The following CSMD1 variants were observed in gnomAD, a reference collection of about 807,000 sequenced individuals.
CSMD1 encodes the protein CUB and sushi domain-containing protein 1.
Under a neutral mutation model 417.5 loss-of-function variants are expected in CSMD1, and 213 were observed. The observed-to-expected ratio is 0.51, with a 90% CI of 0.46 to 0.57. The LOEUF is 0.57. CSMD1 is among the 20% of genes least tolerant of loss of function. CSMD1 has a pLI of 0.00. For synonymous variants in CSMD1, 2,862 were observed against 1,736.8 expected, an observed-to-expected ratio of 1.65 and a Z score of -16.11; for missense variants, 6,923 against 4,529.7, an observed-to-expected ratio of 1.53 and a Z score of -15.17.
chr8:3,366,858 C>A (rs1037436101), intron 20 of CSMD1, among the ~76,000 whole-genome samples, 174 bp downstream of exon 20: 1 of 152,086 alleles, frequency 6.6e-6, no homozygotes, highest in Admixed American at 6.5e-5. Context: ...GTACTTGCAC[C>A]CTGCTTCGTG....
At chr8:4,642,468 A>G (rs1803255532) in intron 1 of CSMD1, among the ~76,000 whole-genome samples, 1 of 152,092 alleles carries the variant, frequency 6.6e-6, no homozygotes, top group Non-Finnish European at 1.5e-5. Flanking sequence ...TACTTTTCCT[A>G]GAAAGTAGCA....
intron 8 of CSMD1, among the ~76,000 whole-genome samples, chr8:3,610,859 G>C (rs1184702274): frequency 1.3e-5 from 2 of 152,048 alleles, no homozygotes; most frequent in East Asian, 1.9e-4. Flanking sequence ...AAGGTGTTAT[G>C]TGCCTTCTTC....
At chr8:4,339,066 G>A (rs540927857) in intron 3 of CSMD1, among the ~76,000 whole-genome samples, 2 of 152,046 alleles carry the variant, frequency 1.3e-5, no homozygotes, top group Non-Finnish European at 1.5e-5. Context: ...ACTATTGCTT[G>A]GGTAGTAGAG....
At chr8:4,294,241 T>C (rs1333572225) in intron 3 of CSMD1, among the ~76,000 whole-genome samples, 1 of 152,172 alleles carries the variant, frequency 6.6e-6, no homozygotes, top group Non-Finnish European at 1.5e-5. Context: ...TCTGAATTGA[T>C]AGCATATAGA....
intron 1 of CSMD1, among the ~76,000 whole-genome samples, chr8:4,908,948 C>T (rs578107023): frequency 1.3e-5 from 2 of 152,176 alleles, no homozygotes; most frequent in African/African-American, 2.4e-5. Flanking sequence ...CTCTTCCGAA[C>T]GTGTTTTCCT....
chr8:3,731,576 T>C (rs7835312), intron 6 of CSMD1, among the ~76,000 whole-genome samples: 5,890 of 152,200 alleles, frequency 0.039, 422 homozygotes, highest in African/African-American at 0.13. Flanking sequence ...GAATCTAAAA[T>C]AGGTTTTTGA....
chr8:4,384,063 T>C (rs1159972441), intron 3 of CSMD1, among the ~76,000 whole-genome samples: 1 of 152,096 alleles, frequency 6.6e-6, no homozygotes. Context: ...GTTGTTTTTT[T>C]TGCACCGTCT....
At chr8:4,852,953 C>G (rs151019972) in intron 1 of CSMD1, among the ~76,000 whole-genome samples, 12 of 152,242 alleles carry the variant, frequency 7.9e-5, no homozygotes, top group African/African-American at 1.9e-4. Context: ...TTCTAAGCAG[C>G]AATGCATTCA....
chr8:4,950,771 G>A (rs751099305), intron 1 of CSMD1, among the ~76,000 whole-genome samples: 7 of 152,022 alleles, frequency 4.6e-5, no homozygotes, highest in East Asian at 1.9e-4. Flanking sequence ...GTGGCAGCAC[G>A]CTAAGTCAGA....
At chr8:3,541,608 G>A (rs1375697081) in intron 10 of CSMD1, among the ~76,000 whole-genome samples, 1 of 149,322 alleles carries the variant, frequency 6.7e-6, no homozygotes, top group Non-Finnish European at 1.5e-5. Flanking sequence ...CTCTAAAAAT[G>A]GGTCATGATT....
chr8:4,542,342 T>C (rs1336725101), intron 2 of CSMD1, among the ~76,000 whole-genome samples: 1 of 148,700 alleles, frequency 6.7e-6, no homozygotes, highest in East Asian at 2.0e-4. Flanking sequence ...AAATAAAAGA[T>C]ACAAACTTAC....
intron 6 of CSMD1, among the ~76,000 whole-genome samples, chr8:3,712,586 T>A (rs1801589372): frequency 6.6e-6 from 1 of 152,190 alleles, no homozygotes; most frequent in Non-Finnish European, 1.5e-5. Flanking sequence ...ATAAAAATAT[T>A]TCGTGATTGA....
At chr8:3,168,232 T>C (rs187147664) in intron 37 of CSMD1, among the ~76,000 whole-genome samples, 49 of 152,220 alleles carry the variant, frequency 3.2e-4, no homozygotes, top group Non-Finnish European at 3.2e-4. Context: ...AGGTAGACCA[T>C]GAACACTATG....
At chr8:3,565,223 C>A (rs112334617) in intron 10 of CSMD1, among the ~76,000 whole-genome samples, 6 of 104,346 alleles carry the variant, frequency 5.8e-5, no homozygotes, top group African/African-American at 1.4e-4. Flanking sequence ...GAGAGATAGA[C>A]AGATAGATAG....
intron 10 of CSMD1, among the ~76,000 whole-genome samples, chr8:3,572,713 C>T (rs749940498): frequency 1.4e-4 from 22 of 152,144 alleles, no homozygotes; most frequent in East Asian, 1.9e-4. Flanking sequence ...CTTCTGGTCT[C>T]GATCACATCT....
chr8:4,618,792 T>C (rs1257832012), intron 2 of CSMD1, among the ~76,000 whole-genome samples: 2 of 152,210 alleles, frequency 1.3e-5, no homozygotes, highest in East Asian at 1.9e-4. Flanking sequence ...AAAACATTTC[T>C]GACTTCACTG....
intron 41 of CSMD1, among the ~76,000 whole-genome samples, chr8:3,136,493 G>C (rs1026213158): frequency 6.6e-6 from 1 of 152,048 alleles, no homozygotes; most frequent in African/African-American, 2.4e-5. Flanking sequence ...TCCGACTCCT[G>C]ACTTCAGCTG....
At chr8:3,990,867 G>T (rs891163804) in intron 5 of CSMD1, among the ~76,000 whole-genome samples, 1 of 152,108 alleles carries the variant, frequency 6.6e-6, no homozygotes, top group Non-Finnish European at 1.5e-5. Flanking sequence ...CCTTCACAGA[G>T]AGCCACCTTC....
At chr8:3,840,958 C>T (rs532364402) in intron 5 of CSMD1, among the ~76,000 whole-genome samples, 3 of 152,130 alleles carry the variant, frequency 2.0e-5, no homozygotes, top group Middle Eastern at 3.4e-3. Context: ...CCTCCTGCCT[C>T]GGCCTCCCAA....
Sources: gnomAD v4.1 joint callset for allele counts (sites outside exome capture counted in the v4.1 genomes callset) on GRCh38, gnomAD v4.1.1 for gene constraint, MANE v1.5 for transcripts, NCBI Gene and HGNC (gene_info 2026-07-23, HGNC 2026-07-21) for gene names.